Variants in C10orf90 observed in about 807,000 individuals in gnomAD.
The protein encoded by C10orf90 is (E2-independent) E3 ubiquitin-conjugating enzyme FATS.
In C10orf90, 56 loss-of-function variants were observed where a neutral mutation model predicts 62.5. The ratio of observed to expected loss-of-function variants is 0.90; its 90% CI spans 0.72 to 1.12. C10orf90 has a LOEUF of 1.12. Among genes scored for constraint, C10orf90 ranks in the 50% most tolerant of loss-of-function variants. The probability of loss-of-function intolerance (pLI) is 0.00; values close to 1 mark genes in which losing one functional copy is unlikely to be tolerated. For missense variants in C10orf90, 970 were observed against 880.4 expected, an observed-to-expected ratio of 1.10 and a Z score of -1.29; for synonymous variants, 386 against 340.4, an observed-to-expected ratio of 1.13 and a Z score of -1.47.
At chr10:126,658,044 T>G (rs1391544297) in intron 1 of C10orf90, among the ~76,000 whole-genome samples, 1 of 152,186 alleles carries the variant, frequency 6.6e-6, no homozygotes, top group African/African-American at 2.4e-5. Context: ...TTCACAGACT[T>G]TGGGTGAACC....
At chr10:126,648,147 G>A (rs1173761901) in intron 1 of C10orf90, among the ~76,000 whole-genome samples, 1 of 151,206 alleles carries the variant, frequency 6.6e-6, no homozygotes, top group Non-Finnish European at 1.5e-5. Context: ...GCTCGCTTCT[G>A]CTCCTCTGCC....
intron 4 of C10orf90, among the ~76,000 whole-genome samples, chr10:126,491,773 T>C (rs1391766365): frequency 3.3e-5 from 5 of 152,224 alleles, no homozygotes; most frequent in African/African-American, 1.2e-4. Context: ...AAATGTGTGA[T>C]TGGCATTTCC....
At chr10:126,470,871 T>C (rs1036769960) in intron 4 of C10orf90, among the ~76,000 whole-genome samples, 1 of 151,884 alleles carries the variant, frequency 6.6e-6, no homozygotes, top group African/African-American at 2.4e-5. Context: ...TTTCTCTGCT[T>C]TTTTTTCTGG....
intron 4 of C10orf90, among the ~76,000 whole-genome samples, chr10:126,490,080 A>AATAATAATATATAATATATAAT (rs1357243424): frequency 1.6e-5 from 2 of 122,628 alleles, no homozygotes; most frequent in African/African-American, 3.2e-5. Flanking sequence ...TATATAATAT[A>AATAATAATATATAATATATAAT]ATAATAATAT....
At chr10:126,666,636 G>C (rs1267035193) in intron 1 of C10orf90, among the ~76,000 whole-genome samples, 3 of 152,098 alleles carry the variant, frequency 2.0e-5, no homozygotes, top group Non-Finnish European at 4.4e-5. Context: ...TGGGCCCACT[G>C]AGTCACAATG....
intron 2 of C10orf90, among the ~76,000 whole-genome samples, chr10:126,554,701 G>T (rs1864719873): frequency 6.6e-6 from 1 of 152,108 alleles, no homozygotes; most frequent in South Asian, 2.1e-4. Flanking sequence ...CACTGCAGAG[G>T]CAGTACAATA....
At chr10:126,553,982 T>C (rs1215700487) in intron 2 of C10orf90, among the ~76,000 whole-genome samples, 3 of 152,066 alleles carry the variant, frequency 2.0e-5, no homozygotes, top group Non-Finnish European at 4.4e-5. Context: ...ACCCTATACC[T>C]ACCCTCTGAT....
At chr10:126,586,861 C>T (rs756779109) in intron 2 of C10orf90, among the ~76,000 whole-genome samples, 1 of 152,166 alleles carries the variant, frequency 6.6e-6, no homozygotes, top group Non-Finnish European at 1.5e-5. Flanking sequence ...CCCGCACCCC[C>T]CAGCCTCAGG....
intron 2 of C10orf90, among the ~76,000 whole-genome samples, chr10:126,631,600 G>A (rs1845851305): frequency 6.6e-6 from 1 of 152,026 alleles, no homozygotes; most frequent in Admixed American, 6.6e-5. Flanking sequence ...AGCATTGCAT[G>A]CTCAGTGCCC....
chr10:126,553,592 T>C (rs1864688360), intron 2 of C10orf90, among the ~76,000 whole-genome samples: 1 of 152,198 alleles, frequency 6.6e-6, no homozygotes, highest in Admixed American at 6.5e-5. Flanking sequence ...TATGTTTAGA[T>C]ACACAAATTC....
chr10:126,524,308 T>C (rs1437716938), intron 2 of C10orf90, among the ~76,000 whole-genome samples: 1 of 152,120 alleles, frequency 6.6e-6, no homozygotes, highest in Non-Finnish European at 1.5e-5. Flanking sequence ...CAGACCATGA[T>C]GGATATAAGC....
At chr10:126,612,362 C>T (rs980053202) in intron 2 of C10orf90, among the ~76,000 whole-genome samples, 4 of 152,102 alleles carry the variant, frequency 2.6e-5, no homozygotes, top group Admixed American at 6.6e-5. Context: ...CACATGCAGC[C>T]AGTGGCTACC....
intron 2 of C10orf90, among the ~76,000 whole-genome samples, chr10:126,554,789 C>T (rs1469882): frequency 0.03 from 4,582 of 152,220 alleles, 110 homozygotes; most frequent in Admixed American, 0.079. Flanking sequence ...CGCTTTTATT[C>T]CAAAAGACTC....
intron 4 of C10orf90, among the ~76,000 whole-genome samples, chr10:126,492,464 T>C (rs531928154): frequency 2.0e-5 from 3 of 152,376 alleles, no homozygotes; most frequent in African/African-American, 7.2e-5. Context: ...TGCATGGGAA[T>C]GCTTTCTACT....
intron 4 of C10orf90, among the ~76,000 whole-genome samples, chr10:126,500,778 A>T (rs559730819): frequency 2.7e-4 from 41 of 152,308 alleles, no homozygotes; most frequent in African/African-American, 8.9e-4. Flanking sequence ...GAATTGCATG[A>T]TGTGCTTGTG....
intron 2 of C10orf90, among the ~76,000 whole-genome samples, chr10:126,522,208 C>T (rs1374280496): frequency 6.6e-6 from 1 of 152,154 alleles, no homozygotes; most frequent in Non-Finnish European, 1.5e-5. Flanking sequence ...GCAGAGGTTG[C>T]GGTGAGCCAA....
intron 2 of C10orf90, among the ~76,000 whole-genome samples, chr10:126,565,437 T>C (rs372132549): frequency 5.5e-5 from 4 of 72,436 alleles, no homozygotes; most frequent in African/African-American, 1.0e-4. Flanking sequence ...ATATATATTA[T>C]ACACACACAC....
intron 2 of C10orf90, among the ~76,000 whole-genome samples, chr10:126,518,860 G>A (rs1863583499): frequency 6.6e-6 from 1 of 152,090 alleles, no homozygotes; most frequent in Admixed American, 6.5e-5. Context: ...ACACCACAAG[G>A]CCCTGAGTCA....
chr10:126,427,942 G>A (rs547861244), intron 8 of C10orf90, among the ~76,000 whole-genome samples: 146 of 152,144 alleles, frequency 9.6e-4, no homozygotes, highest in Non-Finnish European at 1.9e-3. Context: ...TAATATACCT[G>A]GGAAGTATAA....
Sources: allele counts gnomAD v4.1 joint callset (sites outside exome capture counted in the v4.1 genomes callset), GRCh38; gene constraint gnomAD v4.1.1; transcripts MANE v1.5; gene names NCBI Gene and HGNC (gene_info 2026-07-23, HGNC 2026-07-21).